C12orf56: variants seen among roughly 807,000 people sequenced by gnomAD.
C12orf56 encodes the protein uncharacterized protein C12orf56.
In C12orf56, 71 loss-of-function variants were observed where a neutral mutation model predicts 69.9. The ratio of observed to expected loss-of-function variants is 1.02; its 90% CI spans 0.84 to 1.24. C12orf56 has a LOEUF of 1.24. Among genes scored for constraint, C12orf56 ranks in the 50% most tolerant of loss-of-function variants. The probability of loss-of-function intolerance (pLI) is 0.00; values close to 1 mark genes in which losing one functional copy is unlikely to be tolerated. For synonymous variants in C12orf56, 276 were observed against 274.1 expected (o/e 1.01, Z -0.07); for missense variants, 732 against 738.5 (o/e 0.99, Z 0.10).
chr12:64,331,119 G>A, intron 2 of C12orf56, 87 bp from the exon 3 acceptor site: 6 of 1,143,202 alleles, frequency 5.2e-6, no homozygotes, highest in Non-Finnish European at 7.4e-6. Context: ...CTGATTAAAT[G>A]ACTGTTCATA....
At chr12:64,286,141 G>T (rs2038199159) in intron 6 of C12orf56, 81 bp from the exon 7 acceptor site, 2 of 859,750 alleles carry the variant, frequency 2.3e-6, no homozygotes, top group Non-Finnish European at 3.6e-6. Context: ...CTAAAAATAT[G>T]AAGAAATAAT....
intron 1 of C12orf56, among the ~76,000 whole-genome samples, chr12:64,368,678 CTAT>C (rs2039530272): frequency 1.3e-5 from 2 of 152,148 alleles, no homozygotes; most frequent in South Asian, 4.2e-4. Flanking sequence ...CTTTTGTGCC[CTAT>C]TATTAAGTAC....
intron 12 of C12orf56, chr12:64,267,593 G>C (rs368678203): frequency 1.3e-5 from 4 of 312,382 alleles, no homozygotes; most frequent in African/African-American, 6.7e-5. Context: ...GCGCAGTGAG[G>C]TGTTGAAATG....
At chr12:64,282,918 C>T (rs887078405) in intron 8 of C12orf56, among the ~76,000 whole-genome samples, 2 of 151,506 alleles carry the variant, frequency 1.3e-5, no homozygotes, top group African/African-American at 4.8e-5. Context: ...CCGAAGCAGG[C>T]GGATCACCTG....
intron 2 of C12orf56, among the ~76,000 whole-genome samples, chr12:64,337,614 T>C (rs2136877609): frequency 6.6e-6 from 1 of 152,190 alleles, no homozygotes; most frequent in African/African-American, 2.4e-5. Flanking sequence ...CCCAGCACTT[T>C]GGAAGGCTGA....
At chr12:64,278,495 G>T (rs2038084911) in intron 8 of C12orf56, among the ~76,000 whole-genome samples, 2 of 151,894 alleles carry the variant, frequency 1.3e-5, no homozygotes, top group Admixed American at 6.6e-5. Flanking sequence ...TATATTTATG[G>T]TATACAACAT....
At chr12:64,337,153 A>G (rs1227856347) in intron 2 of C12orf56, among the ~76,000 whole-genome samples, 3 of 152,338 alleles carry the variant, frequency 2.0e-5, no homozygotes, top group East Asian at 3.9e-4. Context: ...CAACATATCT[A>G]TATAGATATA....
At chr12:64,267,441 C>T in intron 12 of C12orf56, 153 bp from the exon 13 acceptor site, 1 of 633,856 alleles carries the variant, frequency 1.6e-6, no homozygotes, top group Non-Finnish European at 2.7e-6. Context: ...CTCCAATCTC[C>T]CCCATTTGTG....
intron 1 of C12orf56, among the ~76,000 whole-genome samples, chr12:64,356,170 C>CA (rs761289428): frequency 0.037 from 1,789 of 48,362 alleles, 379 homozygotes; most frequent in African/African-American, 0.15. Context: ...GACTCCATCT[C>CA]AAAAAAAAAA....
intron 8 of C12orf56, among the ~76,000 whole-genome samples, chr12:64,281,520 C>T (rs912449266): frequency 6.6e-6 from 1 of 151,902 alleles, no homozygotes. Flanking sequence ...TGCAGTGAGC[C>T]GAGATCATGC....
intron 1 of C12orf56, among the ~76,000 whole-genome samples, chr12:64,386,558 G>A (rs1399070432): frequency 6.6e-6 from 1 of 152,014 alleles, no homozygotes; most frequent in Non-Finnish European, 1.5e-5. Flanking sequence ...CACCACGCTT[G>A]GCTGATTTTG....
intron 9 of C12orf56, among the ~76,000 whole-genome samples, chr12:64,276,993 TAAAAAAAA>T (rs200351319): frequency 2.5e-4 from 17 of 69,212 alleles, no homozygotes; most frequent in Non-Finnish European, 3.9e-4. Context: ...AACCCTTTCT[TAAAAAAAA>T]AAAAAAAAAA....
chr12:64,304,790 T>C lies in C12orf56; in HGVS notation c.969-1011A>G, dbSNP rs543671418. 4.6e-5 allele frequency among the ~76,000 whole-genome samples: 7 copies of C among 152,310 alleles called. No individual in the cohort carries two copies. In the East Asian group the frequency reaches 1.3e-3, roughly 29 times the overall value. ...GCTGGCTCCACTGTGGGGACCGAGC[T>C]GGGAATTACTAACGCATTTTACAGG... On this transcript the variant is annotated intron_variant, in intron 5 of 12. Coordinates refer to ENST00000543942, the MANE Select transcript of C12orf56 (RefSeq NM_001170633.2).
At chr12:64,315,273 T>C (rs1183229631) in intron 4 of C12orf56, among the ~76,000 whole-genome samples, 1 of 150,804 alleles carries the variant, frequency 6.6e-6, no homozygotes. Context: ...GGGAGATATG[T>C]GCTTTTTCTT....
chr12:64,371,755 A>G (rs1178642259), intron 1 of C12orf56, among the ~76,000 whole-genome samples: 1 of 152,044 alleles, frequency 6.6e-6, no homozygotes, highest in Admixed American at 6.6e-5. Context: ...GCTTGAATCC[A>G]GGAGGTAGAG....
At position 64,352,950 on chromosome 12, in the gene C12orf56, T is replaced by C. The variant is rs748062874; in HGVS notation, c.359A>G (p.Asn120Ser). The change falls in exon 2 of 13, where the codon AAC (asparagine) becomes AGC (serine). Residue 120 changes from asparagine (N) to serine (S), a missense_variant. By Grantham distance (46) the Asn-to-Ser change is conservative. Coordinates refer to ENST00000543942, the MANE Select transcript of C12orf56 (RefSeq NM_001170633.2). Reference sequence around the variant, plus strand: ...TGGAAATAGGAATTTCCTGACACTGTTTGACTTTTTACACTCTTTTTTCAA... The same window carrying C: ...TGGAAATAGGAATTTCCTGACACTGCTTGACTTTTTACACTCTTTTTTCAA... Reference protein sequence around the residue: ...TVLKKECKKSNSVRKFLFPFH... With the variant: ...TVLKKECKKSSSVRKFLFPFH... 5.3e-5 allele frequency: 85 copies of C among 1,613,296 alleles called. No individual in the cohort carries two copies. In the Admixed American group the frequency reaches 6.5e-4, roughly 12 times the overall value.
At chr12:64,319,001 T>C (rs1437345937) in intron 3 of C12orf56, 21 bp from the exon 4 acceptor site, 2 of 1,442,692 alleles carry the variant, frequency 1.4e-6, no homozygotes, top group Non-Finnish European at 1.8e-6. Flanking sequence ...GAATTTAGTA[T>C]TAAACATGAC....
At chr12:64,296,807 G>T (rs935297448) in intron 6 of C12orf56, among the ~76,000 whole-genome samples, 1 of 151,872 alleles carries the variant, frequency 6.6e-6, no homozygotes, top group South Asian at 2.1e-4. Flanking sequence ...CTCATAAATG[G>T]ATTAATGTCA....
chr12:64,267,561 G>A, intron 12 of C12orf56: 1 of 391,488 alleles, frequency 2.6e-6, no homozygotes, highest in Non-Finnish European at 4.6e-6. Flanking sequence ...AGAGGCTCCT[G>A]CTTCTTGGTT....
Sources: allele counts gnomAD v4.1 joint callset (sites outside exome capture counted in the v4.1 genomes callset), GRCh38; gene constraint gnomAD v4.1.1; transcripts MANE v1.5; gene names NCBI Gene and HGNC (gene_info 2026-07-23, HGNC 2026-07-21).